DBNL: variants seen among roughly 807,000 people sequenced by gnomAD.
The protein encoded by DBNL is drebrin like.
A neutral mutation model predicts 62.2 loss-of-function variants in DBNL; 35 were observed. The ratio of observed to expected loss-of-function variants is 0.56; its 90% confidence interval spans 0.43 to 0.75. The LOEUF (loss-of-function observed/expected upper bound fraction) is 0.75. DBNL is among the 30% of genes least tolerant of loss of function. DBNL has a pLI of 0.00. For missense variants in DBNL, 495 were observed against 578.4 expected (o/e 0.86, Z 1.48); for synonymous variants, 197 against 218.0 (o/e 0.90, Z 0.85).
chr7:44,048,588 C>T (rs186458796), intron 1 of DBNL, among the ~76,000 whole-genome samples: 3 of 152,336 alleles, frequency 2.0e-5, no homozygotes, highest in Admixed American at 1.3e-4. Context: ...TGCCCAGTGG[C>T]ACTGGCAAAG....
rs1023400246 is a variant in DBNL at position 44,066,013 on chromosome 7, G to A, written c.*5097G>A. ...TAGGAGGCGGCCCTCAGCAGGCAGA[G>A]GAGGAGAGCCAGAGGAGCTGGTGCA... is the stretch of plus-strand genomic sequence containing the variant. On this transcript the variant is annotated 3_prime_UTR_variant, in exon 13 of 13. Transcript: ENST00000448521. The A allele has an allele frequency of 7.4e-6, 2 of 269,516 alleles. No homozygotes were observed. 16.7% of individuals were successfully genotyped at this position (269,516 alleles called of 1,614,324 possible).
rs111656877 is a variant in DBNL at position 44,065,314 on chromosome 7, G to A, written c.*4398G>A. On this transcript the variant is annotated 3_prime_UTR_variant, in exon 13 of 13. Coordinates refer to ENST00000448521, the MANE Select transcript of DBNL (RefSeq NM_001014436.3). ...CAGGCAGCCACATCTGGTCCGTGCCGTCCAGGATGGCCCAGAGGGTGCGGA... is the reference window on the plus strand; with the variant it reads ...CAGGCAGCCACATCTGGTCCGTGCCATCCAGGATGGCCCAGAGGGTGCGGA... 2.5e-3 allele frequency: 4,040 copies of A among 1,613,580 alleles called. 89 individuals are homozygous for A. In the African/African-American group the frequency reaches 0.046, roughly 18 times the overall value.
At chr7:44,055,924 A>G (rs1357383810) in intron 4 of DBNL, among the ~76,000 whole-genome samples, 8 of 152,094 alleles carry the variant, frequency 5.3e-5, no homozygotes, top group Admixed American at 2.6e-4. Flanking sequence ...ATGTAGTCCA[A>G]TTGGTTGATT....
Position 44,056,666 on chromosome 7 carries a change from T to C in DBNL, c.328-91T>C, listed in dbSNP as rs1429436113. The C allele has an allele frequency of 3.3e-6, 5 of 1,522,176 alleles. No homozygotes were observed. The Admixed American group carries it at 7.8e-5, about 24-fold the overall frequency. 94.3% of individuals were successfully genotyped at this position (1,522,176 alleles called of 1,614,324 possible). A position where few individuals can be genotyped will look rare whatever the true frequency, so the allele number is the denominator to read the frequency against. Reference sequence around the variant, plus strand: ...TTCCTGATTCCAGTCCTGTGTGGTATAGTAGTGGCCCGTGCTGTATGGACT... The same window carrying C: ...TTCCTGATTCCAGTCCTGTGTGGTACAGTAGTGGCCCGTGCTGTATGGACT... On this transcript the variant is annotated intron_variant, in intron 4 of 12. Coordinates refer to ENST00000448521, the MANE Select transcript of DBNL (RefSeq NM_001014436.3).
intron 8 of DBNL, 137 bp from the exon 9 acceptor site, chr7:44,058,765 C>T: frequency 2.0e-6 from 2 of 976,732 alleles, no homozygotes; most frequent in Non-Finnish European, 3.1e-6. Flanking sequence ...TGACTTCTCT[C>T]CTGAGAACAT....
At chr7:44,052,653 C>T (rs913750887) in intron 3 of DBNL, among the ~76,000 whole-genome samples, 2 of 151,884 alleles carry the variant, frequency 1.3e-5, no homozygotes, top group African/African-American at 2.4e-5. Context: ...GCCCCCACAG[C>T]GAAAGCCGGT....
rs755210945 is a variant in DBNL, at chr7:44,060,819, C to T, written c.1196C>T (p.Thr399Met). 14 of 1,613,924 alleles carry T rather than the reference C, an allele frequency of 8.7e-6. No individual in the cohort carries two copies. In the East Asian group the frequency reaches 1.1e-4, roughly 13 times the overall value. The change falls in exon 13 of 13, where the codon ACG becomes ATG. Residue 399 changes from threonine to methionine, a missense_variant. Physicochemically the swap from Thr to Met is moderately conservative, Grantham distance 81. Coordinates refer to ENST00000448521, the MANE Select transcript of DBNL (RefSeq NM_001014436.3). The surrounding 1 kb of genome is among the most constrained non-coding windows in gnomAD (Gnocchi z 6.3). ...TCCTTTGACCCCGAGAACCTCATCACGGGCATCGAGGTGATCGACGAAGGC... is the reference window on the plus strand; with the variant it reads ...TCCTTTGACCCCGAGAACCTCATCATGGGCATCGAGGTGATCGACGAAGGC... ...EISFDPENLI[T>M]GIEVIDEGWW...
intron 1 of DBNL, among the ~76,000 whole-genome samples, chr7:44,048,017 A>C (rs1230850828): frequency 6.7e-6 from 1 of 149,318 alleles, no homozygotes; most frequent in Non-Finnish European, 1.5e-5. Context: ...CCCAGGTTCA[A>C]GTGATTTTCC....
intron 1 of DBNL, among the ~76,000 whole-genome samples, chr7:44,048,192 G>A (rs926030656): frequency 6.6e-6 from 1 of 152,182 alleles, no homozygotes; most frequent in African/African-American, 2.4e-5. Context: ...TGGGATTACC[G>A]GCATGAGCCA....
At position 44,065,107 on chromosome 7, in the gene DBNL, G is replaced by A. The variant is rs1418555672; in HGVS notation, c.*4191G>A. On this transcript the variant is annotated 3_prime_UTR_variant, in exon 13 of 13. Coordinates refer to ENST00000448521, the MANE Select transcript of DBNL (RefSeq NM_001014436.3). The stretch of plus-strand genomic sequence containing the variant: ...CTTCCCAGAGGCCTTCCCAGCAAAG[G>A]CAGCCCACCTTGCTAATGGAGTTGT... 6.2e-7 allele frequency: 1 copy of A among 1,613,608 alleles called. No individual in the cohort carries two copies. Among genetic ancestry groups the A allele is most frequent in the Admixed American group, 1.7e-5 (1 of 60,018 alleles).
At position 44,060,518 on chromosome 7, in the gene DBNL, G is replaced by A. The variant is rs552637839; in HGVS notation, c.1154-259G>A. On this transcript the variant is annotated intron_variant, in intron 12 of 12. Transcript: ENST00000448521. The surrounding 1 kb of genome is among the most constrained non-coding windows in gnomAD (Gnocchi z 6.3). ...GGAGAATGGGGTGGAGGCCCCCTACGGAGCAGGCTGGTGTCTACTCTAGCC... is the reference window on the plus strand; with the variant it reads ...GGAGAATGGGGTGGAGGCCCCCTACAGAGCAGGCTGGTGTCTACTCTAGCC... Among the ~76,000 whole-genome samples the A allele has an allele frequency of 7.9e-5, 12 of 152,134 alleles. No homozygotes were observed. Among genetic ancestry groups the A allele is most frequent in the East Asian group, 1.9e-4 (1 of 5,188 alleles).
rs2096125080 is a variant in DBNL at position 44,050,655 on chromosome 7, G to A, written c.139+375G>A. 3.4e-5 allele frequency: 7 copies of A among 203,286 alleles called. No individual in the cohort carries two copies. The South Asian group carries it at 4.8e-4, about 14-fold the overall frequency. The allele number at this position is 203,286 out of a possible 1,614,324, so 12.6% of individuals were successfully genotyped here. On this transcript the variant is annotated intron_variant, in intron 2 of 12. Coordinates refer to ENST00000448521, the MANE Select transcript of DBNL (RefSeq NM_001014436.3). ...TCCCTTTGTCCTGCCCTGGTCTTGT[G>A]CCGAGTGCTTGCAGGGGCCCCATCC... is the stretch of plus-strand genomic sequence containing the variant.
chr7:44,053,069 G>A lies in DBNL; in HGVS notation c.327+128G>A, dbSNP rs138609206. 13 of 1,249,986 alleles carry A rather than the reference G, an allele frequency of 1.0e-5. No homozygotes were observed. In the African/African-American group the frequency reaches 1.6e-4, roughly 16 times the overall value. 77.4% of individuals were successfully genotyped at this position (1,249,986 alleles called of 1,614,324 possible). On this transcript the variant is annotated intron_variant, in intron 4 of 12. Coordinates refer to ENST00000448521, the MANE Select transcript of DBNL (RefSeq NM_001014436.3). ...AGTGTGCTCATAGCTAATGCTCTCT[G>A]CCTGCCTTTGAGGGCATGACCAGAG...
At chr7:44,056,689 A>T in intron 4 of DBNL, 68 bp from the exon 5 acceptor site, 1 of 1,603,400 alleles carries the variant, frequency 6.2e-7, no homozygotes, top group African/African-American at 1.3e-5. Context: ...TGCTGTATGG[A>T]CTGACAGGAG....
rs1259285521 is a variant in DBNL at position 44,059,351 on chromosome 7, C to T, written c.836-3C>T. 13 of 1,613,818 alleles carry T rather than the reference C, an allele frequency of 8.1e-6. No homozygotes were observed. The highest frequency in any genetic ancestry group is 1.1e-5 in the Non-Finnish European group (13 of 1,179,874). ...TGATGTATATATTTACCCGGGTTTG[C>T]AGGCAAGCTGAGGAGCCCCTTCCTG... On this transcript the variant is annotated splice_region_variant and splice_polypyrimidine_tract_variant and intron_variant, in intron 9 of 12. Transcript: ENST00000448521. The surrounding 1 kb of genome is among the most constrained non-coding windows in gnomAD (Gnocchi z 4.1).
chr7:44,057,733 C>A, intron 5 of DBNL, 49 bp from the exon 6 acceptor site: 1 of 1,609,624 alleles, frequency 6.2e-7, no homozygotes, highest in Non-Finnish European at 8.5e-7. Flanking sequence ...GCCTGTGGGC[C>A]TGGCCTTCCA....
At chr7:44,056,578 T>G (rs2096136769) in intron 4 of DBNL, among the ~76,000 whole-genome samples, 179 bp from the exon 5 acceptor site, 1 of 152,166 alleles carries the variant, frequency 6.6e-6, no homozygotes, top group Non-Finnish European at 1.5e-5. Context: ...CAAGTTGGTT[T>G]GTTTGAGCCC....
rs1014867639 is a variant in DBNL, at chr7:44,060,021, G to A, written c.1048-27G>A. ...GATTGTGTGTAAGGGCTGAGTCTGG[G>A]GTAACACCTTTGTCATCCCTGGGCA... On this transcript the variant is annotated intron_variant, in intron 11 of 12. Transcript: ENST00000448521. This position sits in a 1 kb window ranked among gnomAD's most constrained non-coding sequence, Gnocchi z 6.3. 12 of 1,605,980 alleles carry A rather than the reference G, an allele frequency of 7.5e-6. No homozygotes were observed. Among genetic ancestry groups the A allele is most frequent in the Admixed American group, 1.7e-5 (1 of 59,670 alleles).
chr7:44,059,702 C>G lies in DBNL; in HGVS notation c.1047+44C>G, dbSNP rs1039462572. The G allele has an allele frequency of 1.3e-6, 2 of 1,517,678 alleles. No individual in the cohort carries two copies. Among genetic ancestry groups the G allele is most frequent in the African/African-American group, 2.8e-5 (2 of 72,608 alleles). 94.0% of individuals were successfully genotyped at this position (1,517,678 alleles called of 1,614,324 possible). ...GCTGGGGCCAGGAAGGGGCTGCATA[C>G]TCAGGAACACTTATCACGGGCCGCC... On this transcript the variant is annotated intron_variant, in intron 11 of 12. Transcript: ENST00000448521. This position sits in a 1 kb window ranked among gnomAD's most constrained non-coding sequence, Gnocchi z 4.1.
Sources: gnomAD v4.1 joint callset for allele counts (sites outside exome capture counted in the v4.1 genomes callset) on GRCh38, gnomAD v4.1.1 for gene constraint, Gnocchi (gnomAD v3.1) non-coding constraint, MANE v1.5 for transcripts, NCBI Gene and HGNC (gene_info 2026-07-23, HGNC 2026-07-21) for gene names.